Variants in TOGARAM2 observed in about 807,000 individuals in gnomAD.
TOGARAM2 encodes the protein TOG array regulator of axonemal microtubules 2.
In TOGARAM2, 85 loss-of-function variants were observed where a neutral mutation model predicts 93.3. The ratio of observed to expected loss-of-function variants is 0.91; its 90% CI spans 0.76 to 1.09. The LOEUF is 1.09. Ranked by LOEUF, TOGARAM2 falls within the 50% of genes least tolerant of loss-of-function variation. TOGARAM2 has a pLI of 0.00. For synonymous variants in TOGARAM2, 593 were observed against 552.8 expected (o/e 1.07, Z -1.02); for missense variants, 1,277 against 1,334.5 (o/e 0.96, Z 0.67).
chr2:28,979,328 G>A (rs1441696274), upstream of TOGARAM2, among the ~76,000 whole-genome samples: 4 of 152,326 alleles, frequency 2.6e-5, no homozygotes, highest in Middle Eastern at 3.4e-3. Context: ...TGCCTGGCGG[G>A]CACACTGAGG....
At chr2:29,030,972 A>G (rs1665734194) in intron 14 of TOGARAM2, among the ~76,000 whole-genome samples, 1 of 152,172 alleles carries the variant, frequency 6.6e-6, no homozygotes, top group Non-Finnish European at 1.5e-5. Flanking sequence ...TCTCTCTATC[A>G]TTAAAAGTGA....
chr2:28,976,541 G>A (rs946205077), upstream of TOGARAM2, among the ~76,000 whole-genome samples: 4 of 152,188 alleles, frequency 2.6e-5, no homozygotes, highest in African/African-American at 9.7e-5. Context: ...TCCTTTTGTG[G>A]AATGGGGAGA....
Position 29,036,538 on chromosome 2 carries a change from T to C in TOGARAM2, c.2419-3T>C, listed in dbSNP as rs1666121399. The stretch of plus-strand genomic sequence containing the variant: ...GGGCTCTTGGTTTCTGTTTCTTCAA[T>C]AGGTCTTTGATGCTTTCACCCCAAG... On this transcript the variant is annotated splice_region_variant and splice_polypyrimidine_tract_variant and intron_variant, in intron 17 of 19. Coordinates refer to ENST00000379558, the MANE Select transcript of TOGARAM2 (RefSeq NM_199280.4). 1 of 1,613,768 alleles carries C rather than the reference T, an allele frequency of 6.2e-7. No homozygotes were observed. Among genetic ancestry groups the C allele is most frequent in the African/African-American group, 1.3e-5 (1 of 74,860 alleles).
rs1037164036 is a variant in TOGARAM2, at chr2:28,999,249, G to A, written c.208G>A (p.Gly70Arg). The change falls in exon 4 of 20, where the codon GGA (glycine) becomes AGA (arginine). Residue 70 changes from glycine to arginine, a missense_variant. Transcript: ENST00000379558. ...ACCGTCACAGCTCCTGCGTGGACTC[G>A]GACAGCTGGGTGGCCTCAAGCTGGA... Reference protein sequence around the residue: ...EEPSQLLRGLGQLGGLKLDTP... With the variant: ...EEPSQLLRGLRQLGGLKLDTP... 1.3e-5 allele frequency: 21 copies of A among 1,613,722 alleles called. No individual in the cohort carries two copies. The highest frequency in any genetic ancestry group is 3.3e-5 in the Admixed American group (2 of 59,982).
intron 19 of TOGARAM2, 27 bp from the exon 20 acceptor site, chr2:29,051,729 A>C: frequency 6.9e-7 from 1 of 1,456,668 alleles, no homozygotes; most frequent in South Asian, 1.5e-5. Flanking sequence ...TGCCTGGCTC[A>C]AGTGACTCTC....
At chr2:29,045,724 T>G (rs951680616) in intron 19 of TOGARAM2, 1 of 363,406 alleles carries the variant, frequency 2.8e-6, no homozygotes, top group Non-Finnish European at 5.1e-6. Context: ...TGACATGACA[T>G]TAAAAGAAAA....
intron 1 of TOGARAM2, among the ~76,000 whole-genome samples, chr2:28,965,338 T>C (rs1572615945): frequency 6.6e-6 from 1 of 152,190 alleles, no homozygotes; most frequent in African/African-American, 2.4e-5. Flanking sequence ...TTTATTGCCC[T>C]TTTCCCCCTT....
At chr2:29,018,607 T>C (rs1322834907) in intron 10 of TOGARAM2, 1 of 152,244 alleles carries the variant, frequency 6.6e-6, no homozygotes, top group East Asian at 1.9e-4. Context: ...TAAATGATCA[T>C]GGACTAGAGC....
At chr2:28,961,412 G>T (rs766043074) in intron 1 of TOGARAM2, among the ~76,000 whole-genome samples, 7 of 152,078 alleles carry the variant, frequency 4.6e-5, no homozygotes, top group Non-Finnish European at 8.8e-5. Context: ...CGCAAACTCG[G>T]CTCACAGCAA....
At chr2:29,050,808 T>C (rs1204096389) in intron 19 of TOGARAM2, 1 of 152,280 alleles carries the variant, frequency 6.6e-6, no homozygotes. Context: ...GCTGAAGGCC[T>C]GAGCAGCCCC....
intron 1 of TOGARAM2, among the ~76,000 whole-genome samples, chr2:28,971,511 C>T (rs906880425): frequency 2.0e-5 from 3 of 152,134 alleles, no homozygotes; most frequent in East Asian, 3.8e-4. Context: ...CACGACCAGC[C>T]GGTAATGTAT....
Position 28,957,313 on chromosome 2 carries a change from C to T in TOGARAM2, c.-147+616C>T, listed in dbSNP as rs540527038. Among the ~76,000 whole-genome samples, 7 of 151,856 alleles carry T rather than the reference C, an allele frequency of 4.6e-5. No homozygotes were observed. The South Asian group carries it at 6.2e-4, about 14-fold the overall frequency. On this transcript the variant is annotated intron_variant, in intron 1 of 6. Transcript: ENST00000401723. ...CGGATTCAAGCAATTCTCCTGTAGC[C>T]GGGATTACAGGCGCCCGCCACCACG...
In TOGARAM2 at chr2:28,967,561, A is replaced by G. The variant is rs111800426; in HGVS notation, c.-147+10864A>G. ...AAATTAAAGCTCTGGAACTCTTATCATGAAATGTCCTCCACTGGCCCTAGC... is the reference window on the plus strand; with the variant it reads ...AAATTAAAGCTCTGGAACTCTTATCGTGAAATGTCCTCCACTGGCCCTAGC... On this transcript the variant is annotated intron_variant, in intron 1 of 6. Transcript: ENST00000401723. Among the ~76,000 whole-genome samples the G allele has an allele frequency of 2.8e-3, 430 of 152,278 alleles. 1 individual carries two copies. The highest frequency in any genetic ancestry group is 8.8e-3 in the Admixed American group (135 of 15,292).
chr2:28,963,969 T>C (rs1021118267), intron 1 of TOGARAM2, among the ~76,000 whole-genome samples: 2 of 152,178 alleles, frequency 1.3e-5, no homozygotes, highest in African/African-American at 4.8e-5. Context: ...ATCGCGCCAT[T>C]GCACTCCAGC....
At chr2:28,995,521 C>T (rs1371465775) in intron 2 of TOGARAM2, among the ~76,000 whole-genome samples, 4 of 152,162 alleles carry the variant, frequency 2.6e-5, no homozygotes, top group East Asian at 1.9e-4. Context: ...CAGAACTCCC[C>T]GGGGCTTCGA....
At chr2:29,014,923 G>A (rs750624108) in intron 8 of TOGARAM2, among the ~76,000 whole-genome samples, 2 of 152,172 alleles carry the variant, frequency 1.3e-5, no homozygotes, top group Admixed American at 6.5e-5. Context: ...ACTGCGCTGC[G>A]TGGTTTGAAC....
At chr2:29,007,833 C>G (rs1471796237) in intron 6 of TOGARAM2, among the ~76,000 whole-genome samples, 1 of 152,066 alleles carries the variant, frequency 6.6e-6, no homozygotes, top group Non-Finnish European at 1.5e-5. Context: ...CCTCCAGACC[C>G]TGAGGACCTA....
At chr2:29,039,464 CG>C (rs1558465412) in intron 18 of TOGARAM2, among the ~76,000 whole-genome samples, 1 of 152,110 alleles carries the variant, frequency 6.6e-6, no homozygotes, top group African/African-American at 2.4e-5. Context: ...ACAGCCAAGT[CG>C]GGAGGATGGC....
intron 12 of TOGARAM2, 139 bp downstream of exon 12, chr2:29,023,330 A>G: frequency 1.5e-6 from 1 of 677,702 alleles, no homozygotes; most frequent in Non-Finnish European, 2.5e-6. Flanking sequence ...CCACTGAGGT[A>G]GGAGGTAGCC....
Sources: gnomAD v4.1 joint callset for allele counts (sites outside exome capture counted in the v4.1 genomes callset) on GRCh38, gnomAD v4.1.1 for gene constraint, MANE v1.5 for transcripts, NCBI Gene and HGNC (gene_info 2026-07-23, HGNC 2026-07-21) for gene names.